PPIL4: variants seen among roughly 807,000 people sequenced by gnomAD.
The protein encoded by PPIL4 is peptidyl-prolyl cis-trans isomerase-like 4.
PPIL4 carries 50 observed loss-of-function variants against 69.1 expected under a neutral mutation model. That is an observed-to-expected ratio of 0.72 (90% CI 0.58 to 0.92). PPIL4 has a LOEUF of 0.92. PPIL4 is among the 40% of genes least tolerant of loss of function. The pLI, the probability that PPIL4 is intolerant of heterozygous loss-of-function variation, is 0.00. For synonymous variants in PPIL4, 193 were observed against 191.6 expected (o/e 1.01, Z -0.06); for missense variants, 480 against 587.9 (o/e 0.82, Z 1.90).
chr6:149,529,106 C>T (rs930106433), intron 7 of PPIL4, among the ~76,000 whole-genome samples: 1 of 151,854 alleles, frequency 6.6e-6, no homozygotes, highest in African/African-American at 2.4e-5. Context: ...TGGCGTGTGC[C>T]TATAGTCCCA....
At chr6:149,506,405 G>A (rs1304634421) in intron 12 of PPIL4, among the ~76,000 whole-genome samples, 1 of 152,212 alleles carries the variant, frequency 6.6e-6, no homozygotes, top group African/African-American at 2.4e-5. Flanking sequence ...CTGGGAGGCA[G>A]AGGTTGCGGT....
chr6:149,525,031 G>A (rs1464913253), intron 9 of PPIL4, 112 bp downstream of exon 9: 7 of 532,874 alleles, frequency 1.3e-5, no homozygotes, highest in Non-Finnish European at 2.4e-5. Flanking sequence ...ATTTTGGGGA[G>A]TGCCAAAAGA....
chr6:149,514,306 T>G (rs531832713), intron 11 of PPIL4, among the ~76,000 whole-genome samples: 1 of 152,232 alleles, frequency 6.6e-6, no homozygotes, highest in Non-Finnish European at 1.5e-5. Flanking sequence ...ATGTGTGCTC[T>G]GCACATGCTG....
At chr6:149,545,895 T>C in intron 1 of PPIL4, 41 bp downstream of exon 1, 1 of 1,545,130 alleles carries the variant, frequency 6.5e-7, no homozygotes, top group Non-Finnish European at 8.8e-7. Context: ...GGAGACAAGC[T>C]CGGGGGCCCC....
chr6:149,520,242 T>C (rs1777008781), intron 10 of PPIL4, among the ~76,000 whole-genome samples: 1 of 152,182 alleles, frequency 6.6e-6, no homozygotes, highest in African/African-American at 2.4e-5. Context: ...TATATGCACA[T>C]ATGTATTCAA....
intron 6 of PPIL4, 38 bp downstream of exon 6, chr6:149,534,640 T>C: frequency 9.9e-7 from 1 of 1,009,448 alleles, no homozygotes; most frequent in South Asian, 1.5e-5. Flanking sequence ...AAATCATTAA[T>C]ATGAATGTAC....
chr6:149,506,564 T>G (rs1021817456), intron 12 of PPIL4, among the ~76,000 whole-genome samples: 2 of 152,230 alleles, frequency 1.3e-5, no homozygotes, highest in Non-Finnish European at 2.9e-5. Flanking sequence ...GATGTTCAAA[T>G]ACATCTTCCA....
At chr6:149,538,685 T>C (rs1777316246) in intron 4 of PPIL4, among the ~76,000 whole-genome samples, 1 of 152,114 alleles carries the variant, frequency 6.6e-6, no homozygotes, top group South Asian at 2.1e-4. Flanking sequence ...TTTGAGTGGC[T>C]CAAGACTTCA....
chr6:149,529,256 T>C (rs1583209424), intron 7 of PPIL4, among the ~76,000 whole-genome samples: 1 of 146,398 alleles, frequency 6.8e-6, no homozygotes, highest in Non-Finnish European at 1.5e-5. Flanking sequence ...AAGAAAGAAA[T>C]GAAATCCCAG....
At chr6:149,543,029 T>C (rs1284012227) in intron 1 of PPIL4, among the ~76,000 whole-genome samples, 1 of 152,128 alleles carries the variant, frequency 6.6e-6, no homozygotes, top group African/African-American at 2.4e-5. Context: ...GAAACAAAAA[T>C]AATGAATTTA....
chr6:149,542,013 CAAAATAAAAT>C (rs529079776), intron 1 of PPIL4, among the ~76,000 whole-genome samples: 2 of 150,966 alleles, frequency 1.3e-5, no homozygotes, highest in Admixed American at 6.6e-5. Flanking sequence ...GACTCTATCT[CAAAATAAAAT>C]AAAATAAAAT....
intron 1 of PPIL4, among the ~76,000 whole-genome samples, chr6:149,544,932 T>A (rs1777416421): frequency 6.6e-6 from 1 of 152,114 alleles, no homozygotes; most frequent in East Asian, 1.9e-4. Context: ...GTAACTAATC[T>A]CTCCTGGTCT....
intron 1 of PPIL4, among the ~76,000 whole-genome samples, chr6:149,545,239 T>C (rs1236040480): frequency 6.6e-6 from 1 of 152,184 alleles, no homozygotes; most frequent in African/African-American, 2.4e-5. Flanking sequence ...AAGAACTAGT[T>C]CAAGTGTTCT....
At chr6:149,509,917 ACTTTTTT>A (rs1410030104) in intron 12 of PPIL4, among the ~76,000 whole-genome samples, 1 of 152,092 alleles carries the variant, frequency 6.6e-6, no homozygotes, top group Non-Finnish European at 1.5e-5. Context: ...AACTACTACT[ACTTTTTT>A]CTTTTATTTA....
chr6:149,518,915 G>C (rs976334134), intron 10 of PPIL4, among the ~76,000 whole-genome samples: 2 of 152,138 alleles, frequency 1.3e-5, no homozygotes, highest in African/African-American at 4.8e-5. Context: ...GGAATCATCA[G>C]ACTATAAAGG....
At position 149,505,616 on chromosome 6, in the gene PPIL4, T is replaced by C. The variant is rs1203567626; in HGVS notation, c.1316A>G (p.Gln439Arg). Residue 439 changes from glutamine to arginine, a missense_variant, in exon 13 of 13, where the codon CAG becomes CGG. Physicochemically the swap from Gln to Arg is conservative, Grantham distance 43 (BLOSUM62 1). Coordinates refer to ENST00000253329, the MANE Select transcript of PPIL4 (RefSeq NM_139126.4). ...KQKSEKRDRT[Q>R]NRSRSRSRER... ...TCGAGATCGGCTACGACTTCGGTTC[T>C]GAGTTCGGTCTCTCTTTTCACTCTT... is the stretch of plus-strand genomic sequence containing the variant. 6 of 1,614,076 alleles carry C rather than the reference T, an allele frequency of 3.7e-6. No individual in the cohort carries two copies. Among genetic ancestry groups the C allele is most frequent in the East Asian group, 2.2e-5 (1 of 44,888 alleles).
chr6:149,538,793 A>G (rs1413414132), intron 4 of PPIL4, among the ~76,000 whole-genome samples: 1 of 152,186 alleles, frequency 6.6e-6, no homozygotes, highest in East Asian at 1.9e-4. Flanking sequence ...CTCATGATCA[A>G]ACCTGACCAG....
chr6:149,520,755 T>C (rs141773776), intron 10 of PPIL4, among the ~76,000 whole-genome samples: 1,672 of 152,292 alleles, frequency 0.011, 32 homozygotes, highest in African/African-American at 0.039. Flanking sequence ...GGCTCACGCC[T>C]GTAATCCCAG....
intron 4 of PPIL4, among the ~76,000 whole-genome samples, chr6:149,539,788 A>G (rs543093599): frequency 1.3e-5 from 2 of 152,326 alleles, no homozygotes; most frequent in Admixed American, 6.5e-5. Context: ...CAGCAAAAAG[A>G]TTATGATTTA....
Sources: allele counts gnomAD v4.1 joint callset (sites outside exome capture counted in the v4.1 genomes callset), GRCh38; gene constraint gnomAD v4.1.1; transcripts MANE v1.5; gene names NCBI Gene and HGNC (gene_info 2026-07-23, HGNC 2026-07-21).